The following FAT3 variants were observed in gnomAD, a reference collection of about 807,000 sequenced individuals.
FAT3 encodes the protein protocadherin Fat 3.
A neutral mutation model predicts 310.2 loss-of-function variants in FAT3; 95 were observed. The observed-to-expected ratio is 0.31, with a 90% CI of 0.26 to 0.36. The LOEUF (loss-of-function observed/expected upper bound fraction) is 0.36. Ranked by LOEUF, FAT3 falls within the 10% of genes least tolerant of loss-of-function variation. The pLI is 1.00. For missense variants in FAT3, 5,408 were observed against 5,715.6 expected, an observed-to-expected ratio of 0.95 and a Z score of 1.74; for synonymous variants, 2,314 against 2,192.9, an observed-to-expected ratio of 1.06 and a Z score of -1.54.
chr11:92,846,038 G>A (rs565513738), intron 19 of FAT3, among the ~76,000 whole-genome samples: 56 of 152,326 alleles, frequency 3.7e-4, no homozygotes, highest in African/African-American at 1.3e-3. Flanking sequence ...ATGCATGCTA[G>A]GTGAAATGCA....
At position 92,354,997 on chromosome 11, in the gene FAT3, A is replaced by G. The variant is rs762329273; in HGVS notation, c.2885A>G (p.Asp962Gly). 1 of 1,613,806 alleles carries G rather than the reference A, an allele frequency of 6.2e-7. No homozygotes were observed. The highest frequency in any genetic ancestry group is 8.5e-7 in the Non-Finnish European group (1 of 1,179,860). The change falls in exon 2 of 28, where the codon GAT becomes GGT. Residue 962 changes from aspartate (D) to glycine (G), a missense_variant. Physicochemically the swap from Asp to Gly is moderately conservative, Grantham distance 94 (BLOSUM62 -1). Around this residue, in one of 5 missense-constraint regions of FAT3, gnomAD observed 4,588 missense variants for 4,809.8 expected, o/e 0.95. Transcript: ENST00000525166. ...GTCATTGCTTGGCTTGAGACCCATG[A>G]TCCAGATCTTGGACTGGGGGGTCAA... Reference protein sequence around the residue: ...GTVIAWLETHDPDLGLGGQVR... With the variant: ...GTVIAWLETHGPDLGLGGQVR...
intron 2 of FAT3, among the ~76,000 whole-genome samples, chr11:92,367,918 G>A (rs547857612): frequency 5.0e-4 from 76 of 152,292 alleles, no homozygotes; most frequent in African/African-American, 1.8e-3. Context: ...CAGTTTTGTG[G>A]GGCTTGAAGT....
intron 3 of FAT3, among the ~76,000 whole-genome samples, chr11:92,619,727 G>T (rs1027056389): frequency 6.6e-6 from 1 of 150,884 alleles, no homozygotes; most frequent in Non-Finnish European, 1.5e-5. Flanking sequence ...TCTGATTTTA[G>T]CAATTTGAGT....
chr11:92,276,299 T>C (rs1448572673), intron 1 of FAT3, among the ~76,000 whole-genome samples: 6 of 152,138 alleles, frequency 3.9e-5, no homozygotes, highest in African/African-American at 1.4e-4. Context: ...CACTGAAAAT[T>C]AGTTTTAAGC....
chr11:92,406,756 A>G (rs186005093), intron 2 of FAT3: 20 of 152,310 alleles, frequency 1.3e-4, no homozygotes, highest in Admixed American at 1.2e-3. Context: ...AACCAGTAAC[A>G]GCAAATCATA....
At chr11:92,531,428 G>C (rs1415770794) in intron 3 of FAT3, among the ~76,000 whole-genome samples, 2 of 152,064 alleles carry the variant, frequency 1.3e-5, no homozygotes, top group African/African-American at 4.8e-5. Flanking sequence ...GGGTTCCAAG[G>C]ATGTGGAGGG....
At chr11:92,632,690 C>A (rs946206978) in intron 3 of FAT3, among the ~76,000 whole-genome samples, 15 of 152,204 alleles carry the variant, frequency 9.9e-5, no homozygotes, top group African/African-American at 3.1e-4. Flanking sequence ...CAGCCCCTGA[C>A]CAGTTCCTAA....
At chr11:92,441,494 G>A (rs961722333) in intron 2 of FAT3, among the ~76,000 whole-genome samples, 23 of 152,256 alleles carry the variant, frequency 1.5e-4, no homozygotes, top group Admixed American at 4.6e-4. Context: ...AATTATAGCC[G>A]ACCCGCAGAT....
chr11:92,708,090 G>C (rs1468102694), intron 4 of FAT3, among the ~76,000 whole-genome samples: 2 of 152,320 alleles, frequency 1.3e-5, no homozygotes, highest in South Asian at 2.1e-4. Flanking sequence ...AATACCAAGA[G>C]AGTTGTCAGC....
intron 2 of FAT3, among the ~76,000 whole-genome samples, chr11:92,501,530 G>A (rs896658567): frequency 1.3e-5 from 2 of 152,040 alleles, no homozygotes; most frequent in Admixed American, 1.3e-4. Flanking sequence ...ATTCATGTGT[G>A]AAAGCCGTCT....
intron 1 of FAT3, among the ~76,000 whole-genome samples, chr11:92,322,262 T>C (rs1359438415): frequency 6.6e-6 from 1 of 152,174 alleles, no homozygotes; most frequent in African/African-American, 2.4e-5. Flanking sequence ...AAGAATACAA[T>C]AACATTATGC....
chr11:92,437,594 A>C (rs1456316542), intron 2 of FAT3, among the ~76,000 whole-genome samples: 1 of 152,206 alleles, frequency 6.6e-6, no homozygotes, highest in Non-Finnish European at 1.5e-5. Flanking sequence ...GGACATGGAG[A>C]AATCCACTCT....
chr11:92,456,024 A>G (rs891477169), intron 2 of FAT3, among the ~76,000 whole-genome samples: 2 of 152,166 alleles, frequency 1.3e-5, no homozygotes, highest in Non-Finnish European at 1.5e-5. Context: ...TGGGTTGTTG[A>G]ACGCTGAGAA....
At chr11:92,868,992 C>G (rs1949317838) in intron 22 of FAT3, among the ~76,000 whole-genome samples, 1 of 152,160 alleles carries the variant, frequency 6.6e-6, no homozygotes. Flanking sequence ...AGGGCCCCAG[C>G]CTTGCCTATA....
intron 1 of FAT3, among the ~76,000 whole-genome samples, chr11:92,350,285 C>T (rs1427744574): frequency 6.6e-6 from 1 of 151,150 alleles, no homozygotes; most frequent in East Asian, 1.9e-4. Flanking sequence ...GCCTTGCTAA[C>T]CTTGGATATG....
Position 92,284,295 on chromosome 11 carries a change from G to A in FAT3, c.-18+59121G>A, listed in dbSNP as rs532173349. Reference sequence around the variant, plus strand: ...GTAACGCCTCCGAGAACTACAGGGAGTGTTTCCGTTTGGGTAGAGGGTGGG... The same window carrying A: ...GTAACGCCTCCGAGAACTACAGGGAATGTTTCCGTTTGGGTAGAGGGTGGG... On this transcript the variant is annotated intron_variant, in intron 1 of 27. Coordinates refer to ENST00000525166, the MANE Select transcript of FAT3 (RefSeq NM_001367949.2). 4.6e-5 allele frequency among the ~76,000 whole-genome samples: 7 copies of A among 152,084 alleles called. No individual in the cohort carries two copies. In the South Asian group the frequency reaches 1.5e-3, roughly 32 times the overall value.
At chr11:92,568,061 A>T (rs190991623) in intron 3 of FAT3, among the ~76,000 whole-genome samples, 1 of 152,106 alleles carries the variant, frequency 6.6e-6, no homozygotes, top group Non-Finnish European at 1.5e-5. Context: ...AAAAAAATTC[A>T]TGCCATTCAG....
chr11:92,272,955 G>T (rs1235276292), intron 1 of FAT3, among the ~76,000 whole-genome samples: 1 of 152,122 alleles, frequency 6.6e-6, no homozygotes. Flanking sequence ...ACTGGGAGAA[G>T]CTTACTCCAA....
At chr11:92,560,706 G>A (rs536572898) in intron 3 of FAT3, among the ~76,000 whole-genome samples, 68 of 152,288 alleles carry the variant, frequency 4.5e-4, no homozygotes, top group Non-Finnish European at 8.7e-4. Context: ...CAGTTTTAGT[G>A]TTGGGCTTTC....
Sources: allele counts gnomAD v4.1 joint callset (sites outside exome capture counted in the v4.1 genomes callset), GRCh38; gene constraint gnomAD v4.1.1; regional missense constraint gnomAD v4.1.1; transcripts MANE v1.5; gene names NCBI Gene and HGNC (gene_info 2026-07-23, HGNC 2026-07-21).